OPCML: variants seen among roughly 807,000 people sequenced by gnomAD.
The protein encoded by OPCML is opioid binding protein/cell adhesion molecule like.
Under a neutral mutation model 37.8 loss-of-function variants are expected in OPCML, and 13 were observed. The observed-to-expected ratio is 0.34, with a 90% CI of 0.22 to 0.55. OPCML has a LOEUF of 0.55. OPCML is among the 20% of genes least tolerant of loss of function. OPCML has a pLI of 0.91. For synonymous variants in OPCML, 176 were observed against 168.8 expected, an observed-to-expected ratio of 1.04 and a Z score of -0.33; for missense variants, 341 against 435.6, an observed-to-expected ratio of 0.78 and a Z score of 1.93.
chr11:133,080,912 C>T (rs1338410475), intron 1 of OPCML, among the ~76,000 whole-genome samples: 3 of 152,074 alleles, frequency 2.0e-5, no homozygotes, highest in Non-Finnish European at 2.9e-5. Context: ...GTTCATGGGT[C>T]TCGGAGTCTA....
chr11:133,332,916 A>G (rs1265387839), intron 1 of OPCML, among the ~76,000 whole-genome samples: 1 of 152,220 alleles, frequency 6.6e-6, no homozygotes, highest in East Asian at 1.9e-4. Context: ...CGATACTACA[A>G]GACTACAGTG....
At chr11:133,473,880 T>G (rs1374731341) in intron 1 of OPCML, among the ~76,000 whole-genome samples, 4 of 152,196 alleles carry the variant, frequency 2.6e-5, no homozygotes, top group Non-Finnish European at 4.4e-5. Flanking sequence ...ACAAAGCTTT[T>G]TAAGAATATG....
chr11:133,030,345 C>G (rs534552761), intron 1 of OPCML, among the ~76,000 whole-genome samples: 3 of 152,294 alleles, frequency 2.0e-5, no homozygotes, highest in Admixed American at 6.5e-5. Flanking sequence ...TGCTCACAAA[C>G]CCCCAAGTAC....
chr11:133,102,787 C>CA (rs1345026216), intron 1 of OPCML, among the ~76,000 whole-genome samples: 3 of 151,884 alleles, frequency 2.0e-5, no homozygotes, highest in African/African-American at 7.3e-5. Context: ...ACAACAACAA[C>CA]AACAAAAAAA....
intron 1 of OPCML, among the ~76,000 whole-genome samples, chr11:132,976,113 G>A (rs1176507254): frequency 1.3e-5 from 2 of 152,090 alleles, no homozygotes; most frequent in African/African-American, 2.4e-5. Flanking sequence ...CCAACATAAG[G>A]TGTTACTTAT....
chr11:132,591,489 C>A lies in OPCML; in HGVS notation c.380-62303G>T, dbSNP rs369116178. 2.6e-5 allele frequency among the ~76,000 whole-genome samples: 4 copies of A among 152,184 alleles called. No individual in the cohort carries two copies. The East Asian group carries it at 7.7e-4, about 29-fold the overall frequency. ...TTAGCAATATTAAGTACCTGATTCT[C>A]CAAGTTCTAAGAGGTTGGATACATG... On this transcript the variant is annotated intron_variant, in intron 3 of 7. Transcript: ENST00000524381.
intron 1 of OPCML, among the ~76,000 whole-genome samples, chr11:133,151,374 T>C (rs910690546): frequency 6.6e-6 from 1 of 151,802 alleles, no homozygotes; most frequent in South Asian, 2.1e-4. Context: ...TCCCACACAA[T>C]TGGCAATGGC....
chr11:132,460,772 A>C (rs2096098771), intron 4 of OPCML, among the ~76,000 whole-genome samples: 1 of 152,256 alleles, frequency 6.6e-6, no homozygotes, highest in African/African-American at 2.4e-5. Context: ...CATTAAAATA[A>C]GTTTACAAAA....
chr11:133,131,427 T>A (rs1949602367), intron 1 of OPCML, among the ~76,000 whole-genome samples: 1 of 152,212 alleles, frequency 6.6e-6, no homozygotes, highest in African/African-American at 2.4e-5. Context: ...CAACATCATA[T>A]GTCATCAGAG....
At chr11:133,091,788 C>T (rs568510575) in intron 1 of OPCML, among the ~76,000 whole-genome samples, 2 of 152,134 alleles carry the variant, frequency 1.3e-5, no homozygotes, top group Non-Finnish European at 2.9e-5. Flanking sequence ...TACCTTGAGT[C>T]TCACCTATAT....
chr11:132,509,451 G>A (rs1279230414), intron 4 of OPCML, among the ~76,000 whole-genome samples: 2 of 152,116 alleles, frequency 1.3e-5, no homozygotes, highest in Non-Finnish European at 2.9e-5. Context: ...ATGTCTCCAG[G>A]ATGTCAGAGA....
At chr11:132,686,447 A>C (rs1207777424) in intron 2 of OPCML, among the ~76,000 whole-genome samples, 1 of 152,222 alleles carries the variant, frequency 6.6e-6, no homozygotes, top group African/African-American at 2.4e-5. Flanking sequence ...ATTAACTTGC[A>C]AATAATGGAA....
chr11:133,476,391 AG>A (rs1297432103), intron 1 of OPCML, among the ~76,000 whole-genome samples: 3 of 27,864 alleles, frequency 1.1e-4, no homozygotes, highest in African/African-American at 2.9e-4. Flanking sequence ...CTCTGTTGTT[AG>A]TTTTTTTTTT....
intron 3 of OPCML, among the ~76,000 whole-genome samples, chr11:132,651,983 G>A (rs1164461441): frequency 6.6e-6 from 1 of 152,082 alleles, no homozygotes; most frequent in Non-Finnish European, 1.5e-5. Flanking sequence ...AACCATAGAC[G>A]GATCTTCTTA....
chr11:133,130,418 A>G (rs1949585217), intron 1 of OPCML, among the ~76,000 whole-genome samples: 1 of 152,164 alleles, frequency 6.6e-6, no homozygotes, highest in South Asian at 2.1e-4. Flanking sequence ...TTTCATTTAC[A>G]TTAGCACCAA....
chr11:133,056,268 C>G (rs1336975353), intron 1 of OPCML, among the ~76,000 whole-genome samples: 1 of 152,188 alleles, frequency 6.6e-6, no homozygotes, highest in Non-Finnish European at 1.5e-5. Flanking sequence ...ATTTCATAAA[C>G]TACTGTGTGG....
chr11:133,313,458 C>T (rs1943114484), intron 1 of OPCML, among the ~76,000 whole-genome samples: 1 of 152,134 alleles, frequency 6.6e-6, no homozygotes, highest in South Asian at 2.1e-4. Flanking sequence ...CTTTACATGG[C>T]AAAAGGGATT....
chr11:132,745,297 C>T (rs888067000), intron 2 of OPCML, among the ~76,000 whole-genome samples: 2 of 152,080 alleles, frequency 1.3e-5, no homozygotes, highest in African/African-American at 2.4e-5. Context: ...CCATGAAACT[C>T]ACCAGCACAA....
At chr11:132,458,537 A>T (rs549910703) in intron 4 of OPCML, among the ~76,000 whole-genome samples, 1 of 152,228 alleles carries the variant, frequency 6.6e-6, no homozygotes, top group African/African-American at 2.4e-5. Context: ...TCAGGACCCC[A>T]TGACATTCTT....
Sources: gnomAD v4.1 joint callset for allele counts (sites outside exome capture counted in the v4.1 genomes callset) on GRCh38, gnomAD v4.1.1 for gene constraint, MANE v1.5 for transcripts, NCBI Gene and HGNC (gene_info 2026-07-23, HGNC 2026-07-21) for gene names.